LRIG3: variants seen among roughly 807,000 people sequenced by gnomAD.
LRIG3 encodes the protein leucine-rich repeats and immunoglobulin-like domains protein 3.
A neutral mutation model predicts 114.5 loss-of-function variants in LRIG3; 76 were observed. The observed-to-expected ratio is 0.66, with a 90% CI of 0.55 to 0.80. LRIG3 has a LOEUF of 0.80. LRIG3 is among the 30% of genes least tolerant of loss of function. The probability of loss-of-function intolerance (pLI) is 0.00; values close to 1 mark genes in which losing one functional copy is unlikely to be tolerated. For missense variants in LRIG3, 1,239 were observed against 1,382.8 expected, an observed-to-expected ratio of 0.90 and a Z score of 1.65; for synonymous variants, 512 against 519.8, an observed-to-expected ratio of 0.98 and a Z score of 0.20.
intron 14 of LRIG3, among the ~76,000 whole-genome samples, chr12:58,878,406 ACT>A (rs1871002466): frequency 1.3e-5 from 2 of 152,132 alleles, no homozygotes; most frequent in Admixed American, 6.5e-5. Context: ...TGAAAAAAAA[ACT>A]CTGACTTCCG....
In LRIG3 at chr12:58,916,982, A is replaced by C. The variant is rs149594067; in HGVS notation, c.237-2646T>G. Among the ~76,000 whole-genome samples the C allele has an allele frequency of 3.8e-3, 585 of 152,288 alleles. 7 individuals are homozygous for C. The highest frequency in any genetic ancestry group is 0.013 in the African/African-American group (522 of 41,550). ...CCTGCAGAGCTGCTAATTCAGCACA[A>C]ATCTGGAAAGCTGAAAAACAAAAAG... On this transcript the variant is annotated intron_variant, in intron 1 of 18. Coordinates refer to ENST00000320743, the MANE Select transcript of LRIG3 (RefSeq NM_153377.5).
At chr12:58,915,958 A>G (rs2120992916) in intron 1 of LRIG3, among the ~76,000 whole-genome samples, 1 of 152,322 alleles carries the variant, frequency 6.6e-6, no homozygotes, top group South Asian at 2.1e-4. Flanking sequence ...CCACTTAACT[A>G]AAGAGCATTG....
intron 8 of LRIG3, chr12:58,887,152 T>C: frequency 2.4e-6 from 1 of 417,390 alleles, no homozygotes. Flanking sequence ...GACTACATTC[T>C]GAATGATCCG....
At chr12:58,897,971 C>T (rs1046890368) in intron 3 of LRIG3, among the ~76,000 whole-genome samples, 3 of 152,166 alleles carry the variant, frequency 2.0e-5, no homozygotes, top group East Asian at 1.9e-4. Flanking sequence ...CCCCAGAATT[C>T]GGGATAAAAC....
At chr12:58,893,153 T>C (rs1871513307) in intron 3 of LRIG3, among the ~76,000 whole-genome samples, 1 of 152,146 alleles carries the variant, frequency 6.6e-6, no homozygotes, top group Non-Finnish European at 1.5e-5. Flanking sequence ...CGACTTTCTG[T>C]CAGGTGCCAC....
At chr12:58,904,760 T>C (rs1385721021) in intron 3 of LRIG3, among the ~76,000 whole-genome samples, 2 of 152,180 alleles carry the variant, frequency 1.3e-5, no homozygotes, top group Non-Finnish European at 2.9e-5. Context: ...CCAACACACA[T>C]GTACTGAGCA....
chr12:58,896,340 A>T (rs571600200), intron 3 of LRIG3, among the ~76,000 whole-genome samples: 1 of 152,308 alleles, frequency 6.6e-6, no homozygotes, highest in Admixed American at 6.5e-5. Flanking sequence ...AAGAACCTTC[A>T]TGCTCTCTTA....
chr12:58,894,129 A>T (rs188619118), intron 3 of LRIG3, among the ~76,000 whole-genome samples: 2 of 152,294 alleles, frequency 1.3e-5, no homozygotes, highest in Admixed American at 1.3e-4. Context: ...TGACGAATAA[A>T]ATTTTCCTTG....
chr12:58,884,913 C>T (rs777261904), intron 10 of LRIG3, among the ~76,000 whole-genome samples: 8 of 152,200 alleles, frequency 5.3e-5, no homozygotes, highest in Non-Finnish European at 1.0e-4. Flanking sequence ...ACTGTACAAG[C>T]GTAAAACATA....
intron 3 of LRIG3, among the ~76,000 whole-genome samples, chr12:58,905,881 C>A (rs1182041508): frequency 6.6e-6 from 1 of 152,138 alleles, no homozygotes; most frequent in Admixed American, 6.6e-5. Context: ...GAAATAAATT[C>A]CTTTTCTTCA....
intron 10 of LRIG3, among the ~76,000 whole-genome samples, chr12:58,885,342 C>T (rs1871242390): frequency 6.6e-6 from 1 of 152,150 alleles, no homozygotes; most frequent in Admixed American, 6.5e-5. Context: ...GGAACATTGT[C>T]TTTGTTCTTT....
At chr12:58,893,107 C>T (rs1396721934) in intron 3 of LRIG3, among the ~76,000 whole-genome samples, 1 of 152,150 alleles carries the variant, frequency 6.6e-6, no homozygotes, top group Non-Finnish European at 1.5e-5. Flanking sequence ...GGCCCCAGGG[C>T]TTGTGTGTAT....
Position 58,920,099 on chromosome 12 carries a change from G to C in LRIG3, c.137C>G (p.Pro46Arg). The change falls in exon 1 of 19, where the codon CCA (proline) becomes CGA (arginine). Residue 46 changes from proline to arginine, a missense_variant. By Grantham distance (103) the Pro-to-Arg change is moderately radical (BLOSUM62 -2). Transcript: ENST00000320743. The part of the protein sequence containing the change: ...GQPSGVAAER[P>R]CPTTCRCLGD... ...GAGGCAGCGGCAGGTAGTGGGGCATGGGCGCTCGGCGGCTACCCCAGAGGG... is the reference window on the plus strand; with the variant it reads ...GAGGCAGCGGCAGGTAGTGGGGCATCGGCGCTCGGCGGCTACCCCAGAGGG... The C allele has an allele frequency of 6.4e-7, 1 of 1,553,458 alleles. No homozygotes were observed. The highest frequency in any genetic ancestry group is 8.7e-7 in the Non-Finnish European group (1 of 1,149,308).
Position 58,872,598 on chromosome 12 carries a change from A to T in LRIG3, c.3334T>A (p.Phe1112Ile), listed in dbSNP as rs1870773994. ...QTLENYRTPN[F>I]QSYDLDT ...TATGTGTCCAAGTCATAAGACTGAA[A>T]ATTTGGAGTCCTGTAGTTTTCTAAA... Residue 1112 changes from phenylalanine (F) to isoleucine (I), a missense_variant, in exon 19 of 19, where the codon TTT (phenylalanine) becomes ATT (isoleucine). Phe to Ile is a conservative substitution (Grantham distance 21, BLOSUM62 0). Transcript: ENST00000320743. 6 of 1,613,688 alleles carry T rather than the reference A, an allele frequency of 3.7e-6. No individual in the cohort carries two copies. Among genetic ancestry groups the T allele is most frequent in the Non-Finnish European group, 4.2e-6 (5 of 1,179,814 alleles).
chr12:58,879,517 A>G (rs979701792), intron 13 of LRIG3, among the ~76,000 whole-genome samples: 2 of 152,136 alleles, frequency 1.3e-5, no homozygotes, highest in Non-Finnish European at 2.9e-5. Flanking sequence ...CTTTTAAGAT[A>G]CATGTTTTGC....
In LRIG3 at chr12:58,882,939, G is replaced by A. The variant is rs774050842; in HGVS notation, c.1410C>T (p.Ala470=). The change falls in exon 12 of 19, where the codon GCC becomes GCT. Residue 470 remains alanine, a synonymous_variant. Coordinates refer to ENST00000320743, the MANE Select transcript of LRIG3 (RefSeq NM_153377.5). Reference sequence around the variant, plus strand: ...TTAGCAGCTGAGGATGGGCACAACTGGCATTTACAAAGCTCTGAAAGTTGT... The same window carrying A: ...TTAGCAGCTGAGGATGGGCACAACTAGCATTTACAAAGCTCTGAAAGTTGT... ...AENNFQSFVN[A]SCAHPQLLKG... The A allele has an allele frequency of 2.5e-6, 4 of 1,614,118 alleles. No homozygotes were observed. In the East Asian group the frequency reaches 8.9e-5, roughly 36 times the overall value.
intron 3 of LRIG3, among the ~76,000 whole-genome samples, chr12:58,912,081 G>C (rs779910898): frequency 6.6e-6 from 1 of 152,218 alleles, no homozygotes; most frequent in Non-Finnish European, 1.5e-5. Flanking sequence ...TTCACACCCA[G>C]CACTTGCTAA....
chr12:58,888,775 A>T, intron 6 of LRIG3, 44 bp downstream of exon 6: 1 of 1,601,312 alleles, frequency 6.2e-7, no homozygotes, highest in East Asian at 2.2e-5. Flanking sequence ...TGAGCATTCT[A>T]TGATCATACT....
chr12:58,877,300 T>C (rs1235689765), intron 15 of LRIG3, 100 bp downstream of exon 15: 5 of 1,212,372 alleles, frequency 4.1e-6, no homozygotes, highest in Non-Finnish European at 3.5e-6. Context: ...GTCACCCTTC[T>C]GAGATGAACT....
Sources: allele counts gnomAD v4.1 joint callset (sites outside exome capture counted in the v4.1 genomes callset), GRCh38; gene constraint gnomAD v4.1.1; transcripts MANE v1.5; gene names NCBI Gene and HGNC (gene_info 2026-07-23, HGNC 2026-07-21).